Variants in CNIH3 observed in about 807,000 individuals in gnomAD.
CNIH3 encodes the protein protein cornichon homolog 3.
Under a neutral mutation model 24.1 loss-of-function variants are expected in CNIH3, and 14 were observed. The observed-to-expected ratio is 0.58, with a 90% confidence interval of 0.38 to 0.91. The LOEUF (loss-of-function observed/expected upper bound fraction) is 0.91, where lower values mean the gene tolerates loss of function less well. Among genes scored for constraint, CNIH3 ranks in the 40% least tolerant of loss-of-function variants. The probability of loss-of-function intolerance (pLI) is 0.00; values close to 1 mark genes in which losing one functional copy is unlikely to be tolerated. For synonymous variants in CNIH3, 68 were observed against 73.8 expected, an observed-to-expected ratio of 0.92 and a Z score of 0.40; for missense variants, 178 against 196.8, an observed-to-expected ratio of 0.90 and a Z score of 0.57.
At chr1:224,602,128 G>T (rs1170072787) in intron 3 of CNIH3, among the ~76,000 whole-genome samples, 1 of 152,122 alleles carries the variant, frequency 6.6e-6, no homozygotes, top group Non-Finnish European at 1.5e-5. Flanking sequence ...ATGCTTTTAT[G>T]TGAAACCATT....
At chr1:224,464,788 G>T (rs1027237435) in intron 1 of CNIH3, among the ~76,000 whole-genome samples, 1 of 151,938 alleles carries the variant, frequency 6.6e-6, no homozygotes, top group African/African-American at 2.4e-5. Context: ...TTTTTTTAAA[G>T]ATTTTATTTC....
At chr1:224,551,126 T>C (rs1382559938) in intron 3 of CNIH3, among the ~76,000 whole-genome samples, 1 of 152,026 alleles carries the variant, frequency 6.6e-6, no homozygotes, top group African/African-American at 2.4e-5. Flanking sequence ...TTGGTGGGAC[T>C]GTAAACTAGT....
At chr1:224,674,783 C>T (rs570909825) in intron 1 of CNIH3, among the ~76,000 whole-genome samples, 2 of 152,012 alleles carry the variant, frequency 1.3e-5, no homozygotes, top group South Asian at 4.2e-4. Context: ...TCGGTGGCTT[C>T]CTCTGGCTCT....
intron 1 of CNIH3, among the ~76,000 whole-genome samples, chr1:224,467,811 G>C (rs1180515236): frequency 6.7e-6 from 1 of 150,214 alleles, no homozygotes; most frequent in Non-Finnish European, 1.5e-5. Flanking sequence ...TTTTCCAAAA[G>C]TTTCATAGTT....
intron 3 of CNIH3, among the ~76,000 whole-genome samples, chr1:224,686,866 G>C (rs1686687083): frequency 6.6e-6 from 1 of 152,216 alleles, no homozygotes; most frequent in Non-Finnish European, 1.5e-5. Context: ...ACTTTTTGCA[G>C]ATTTGCATAT....
chr1:224,615,997 C>G (rs1558214474), upstream of CNIH3: 1 of 152,812 alleles, frequency 6.5e-6, no homozygotes, highest in African/African-American at 2.4e-5. Flanking sequence ...GAGGCACACA[C>G]CATACCCTTC....
In CNIH3 at chr1:224,441,383, C is replaced by T. The variant is rs114407695; in HGVS notation, n.203+6521C>T. Among the ~76,000 whole-genome samples the T allele has an allele frequency of 3.6e-3, 546 of 152,272 alleles. 5 individuals are homozygous for T. Among genetic ancestry groups the T allele is most frequent in the African/African-American group, 0.012 (514 of 41,570 alleles). ...CACTGCCATCTCTGCACACACCCAC[C>T]CCATCTCTCATTTGGTTAAGTTCTT... On this transcript the variant is annotated intron_variant and non_coding_transcript_variant, in intron 1 of 5. Transcript: ENST00000471578.
At chr1:224,603,936 C>T (rs559873039) in intron 3 of CNIH3, among the ~76,000 whole-genome samples, 37 of 152,200 alleles carry the variant, frequency 2.4e-4, no homozygotes, top group Admixed American at 7.8e-4. Flanking sequence ...ATATTTTATT[C>T]GTAAATTCTT....
intron 1 of CNIH3, among the ~76,000 whole-genome samples, chr1:224,649,468 G>A (rs1338784724): frequency 6.6e-6 from 1 of 152,182 alleles, no homozygotes; most frequent in Non-Finnish European, 1.5e-5. Context: ...TACTAAATTT[G>A]TGGTAATTTA....
At chr1:224,634,836 G>A (rs142568961) in intron 1 of CNIH3, among the ~76,000 whole-genome samples, 1 of 152,126 alleles carries the variant, frequency 6.6e-6, no homozygotes. Flanking sequence ...CCAAGCCTCG[G>A]CCCTACCTGC....
chr1:224,441,050 T>A (rs954312839), intron 1 of CNIH3, among the ~76,000 whole-genome samples: 7 of 152,146 alleles, frequency 4.6e-5, no homozygotes, highest in Non-Finnish European at 7.4e-5. Flanking sequence ...TCTCCTGACC[T>A]CATGATCCGC....
At chr1:224,661,499 C>A in intron 1 of CNIH3, 1 of 294,314 alleles carries the variant, frequency 3.4e-6, no homozygotes, top group Non-Finnish European at 6.6e-6. Flanking sequence ...CTTCTGCTCC[C>A]TTGGGGACCC....
At chr1:224,514,494 T>C (rs1490429482), upstream of CNIH3, among the ~76,000 whole-genome samples, 2 of 152,212 alleles carry the variant, frequency 1.3e-5, no homozygotes, top group Non-Finnish European at 2.9e-5. Flanking sequence ...CCATCATAAA[T>C]GGAAAATTGC....
intron 2 of CNIH3, among the ~76,000 whole-genome samples, chr1:224,546,440 A>T (rs1679707326): frequency 6.6e-6 from 1 of 152,108 alleles, no homozygotes; most frequent in Non-Finnish European, 1.5e-5. Flanking sequence ...GAGAGACACG[A>T]GGTTAGACAG....
At chr1:224,525,863 G>A (rs1399541141) in intron 2 of CNIH3, among the ~76,000 whole-genome samples, 1 of 152,130 alleles carries the variant, frequency 6.6e-6, no homozygotes, top group Non-Finnish European at 1.5e-5. Flanking sequence ...CCAGGCAGAA[G>A]AGCCAGGAGA....
chr1:224,731,043 C>T (rs1039704460), intron 4 of CNIH3, among the ~76,000 whole-genome samples: 15 of 152,124 alleles, frequency 9.9e-5, no homozygotes, highest in Non-Finnish European at 1.6e-4. Context: ...AGGAAATGTC[C>T]AGGAAAGGCA....
At chr1:224,635,536 A>G (rs1185356175) in intron 1 of CNIH3, among the ~76,000 whole-genome samples, 8 of 152,200 alleles carry the variant, frequency 5.3e-5, no homozygotes, top group African/African-American at 1.9e-4. Context: ...ACAGGGAGGA[A>G]AATAAAGTGC....
At chr1:224,576,726 T>G (rs1256581268) in intron 4 of CNIH3, among the ~76,000 whole-genome samples, 2 of 152,154 alleles carry the variant, frequency 1.3e-5, no homozygotes, top group Admixed American at 6.5e-5. Flanking sequence ...AGAGCCCACA[T>G]AGTGAAAGCA....
intron 3 of CNIH3, among the ~76,000 whole-genome samples, chr1:224,695,503 G>A (rs1182816816): frequency 3.9e-5 from 6 of 152,228 alleles, no homozygotes; most frequent in East Asian, 1.9e-4. Context: ...GCTGTGAACC[G>A]AACCTTCACA....
Sources: gnomAD v4.1 joint callset for allele counts (sites outside exome capture counted in the v4.1 genomes callset) on GRCh38, gnomAD v4.1.1 for gene constraint, MANE v1.5 for transcripts, NCBI Gene and HGNC (gene_info 2026-07-23, HGNC 2026-07-21) for gene names.